The following ELP4 variants were observed in gnomAD, a reference collection of about 807,000 sequenced individuals.
The protein encoded by ELP4 is elongator complex protein 4.
In ELP4, 51 loss-of-function variants were observed where a neutral mutation model predicts 48.9. The ratio of observed to expected loss-of-function variants is 1.04; its 90% CI spans 0.83 to 1.32. The LOEUF (loss-of-function observed/expected upper bound fraction) is 1.32. Ranked by LOEUF, ELP4 falls within the 40% of genes most tolerant of loss-of-function variation. The pLI, the probability that ELP4 is intolerant of heterozygous loss-of-function variation, is 0.00. For synonymous variants in ELP4, 210 were observed against 189.2 expected (o/e 1.11, Z -0.90); for missense variants, 519 against 514.6 (o/e 1.01, Z -0.08).
chr11:31,590,252 ATATG>A (rs1454596823), intron 3 of ELP4, among the ~76,000 whole-genome samples: 2 of 152,158 alleles, frequency 1.3e-5, no homozygotes, highest in Non-Finnish European at 2.9e-5. Context: ...CTATATATAT[ATATG>A]TACTCTTGTT....
At chr11:31,710,924 G>C (rs1946729101) in intron 9 of ELP4, among the ~76,000 whole-genome samples, 1 of 152,184 alleles carries the variant, frequency 6.6e-6, no homozygotes, top group Admixed American at 6.5e-5. Flanking sequence ...GTAAGAAATA[G>C]ATGGGGAGGT....
intron 3 of ELP4, among the ~76,000 whole-genome samples, chr11:31,577,740 A>T (rs1208734047): frequency 6.6e-6 from 1 of 152,232 alleles, no homozygotes; most frequent in African/African-American, 2.4e-5. Context: ...GAAAAAATTC[A>T]ACAGCTGTTC....
chr11:31,728,034 GC>G (rs1342373351), intron 9 of ELP4: 1 of 152,014 alleles, frequency 6.6e-6, no homozygotes, highest in Non-Finnish European at 1.5e-5. Context: ...ATGAAATACT[GC>G]CATTATATTA....
In ELP4 at chr11:31,629,314, C is replaced by G. The variant is rs1435748695; in HGVS notation, c.738+2120C>G. ...CAAGGTTCTTTTTTTTAATCTTATG[C>G]CACACAGTATGCCCCATTATTATAT... On this transcript the variant is annotated intron_variant, in intron 6 of 9. Transcript: ENST00000640961. Among the ~76,000 whole-genome samples, 8 of 151,708 alleles carry G rather than the reference C, an allele frequency of 5.3e-5. No individual in the cohort carries two copies. The South Asian group carries it at 1.7e-3, about 32-fold the overall frequency.
At chr11:31,544,665 C>A (rs1956664869) in intron 3 of ELP4, among the ~76,000 whole-genome samples, 1 of 152,200 alleles carries the variant, frequency 6.6e-6, no homozygotes, top group Non-Finnish European at 1.5e-5. Context: ...TCCCAGCGCG[C>A]AGCTGGAGAT....
At chr11:31,572,007 T>G (rs1341401261) in intron 3 of ELP4, among the ~76,000 whole-genome samples, 3 of 152,220 alleles carry the variant, frequency 2.0e-5, no homozygotes, top group Non-Finnish European at 4.4e-5. Context: ...ATCAACTGCA[T>G]TAGCCCCTAA....
intron 3 of ELP4, among the ~76,000 whole-genome samples, chr11:31,549,495 T>C (rs1244398468): frequency 6.6e-6 from 1 of 151,720 alleles, no homozygotes; most frequent in Non-Finnish European, 1.5e-5. Flanking sequence ...CAACAGGTGC[T>C]GGAGAGGATG....
chr11:31,779,532 G>A (rs930690401), intron 9 of ELP4, among the ~76,000 whole-genome samples: 2 of 152,192 alleles, frequency 1.3e-5, no homozygotes, highest in Admixed American at 1.3e-4. Flanking sequence ...GGCAAGTAGA[G>A]GGGAAAGAAT....
chr11:31,676,304 T>G (rs1945924819), intron 9 of ELP4, among the ~76,000 whole-genome samples: 1 of 152,206 alleles, frequency 6.6e-6, no homozygotes, highest in Non-Finnish European at 1.5e-5. Context: ...GTTTCCTGAC[T>G]CTTCTTTTCC....
At chr11:31,703,360 C>T (rs1170720446) in intron 9 of ELP4, among the ~76,000 whole-genome samples, 1 of 152,080 alleles carries the variant, frequency 6.6e-6, no homozygotes, top group Non-Finnish European at 1.5e-5. Flanking sequence ...TTTAGATCAC[C>T]TCTTTATTTA....
At chr11:31,550,323 T>TG (rs1956826240) in intron 3 of ELP4, among the ~76,000 whole-genome samples, 1 of 152,136 alleles carries the variant, frequency 6.6e-6, no homozygotes, top group South Asian at 2.1e-4. Flanking sequence ...ATTTGGCGCA[T>TG]GATGGATATA....
intron 5 of ELP4, among the ~76,000 whole-genome samples, chr11:31,612,263 A>G (rs1957995443): frequency 6.6e-6 from 1 of 152,226 alleles, no homozygotes; most frequent in Admixed American, 6.5e-5. Flanking sequence ...GTTTCTGAAG[A>G]TATGTACTGA....
chr11:31,582,457 G>C (rs1033661177), intron 3 of ELP4, among the ~76,000 whole-genome samples: 3 of 151,880 alleles, frequency 2.0e-5, no homozygotes, highest in African/African-American at 2.4e-5. Context: ...TTTTTTTCCA[G>C]ATGTTTTCTT....
chr11:31,696,853 G>GAC (rs932173275), intron 9 of ELP4, among the ~76,000 whole-genome samples: 4 of 152,016 alleles, frequency 2.6e-5, no homozygotes, highest in African/African-American at 9.7e-5. Context: ...CCAATTAAAA[G>GAC]ACTCAGACTG....
intron 4 of ELP4, among the ~76,000 whole-genome samples, chr11:31,597,686 C>A (rs1475669051): frequency 2.0e-5 from 3 of 151,942 alleles, no homozygotes; most frequent in Non-Finnish European, 4.4e-5. Flanking sequence ...ATTCTCCTGC[C>A]TCAGCCTCCC....
At chr11:31,550,437 C>T (rs1306504931) in intron 3 of ELP4, among the ~76,000 whole-genome samples, 2 of 152,052 alleles carry the variant, frequency 1.3e-5, no homozygotes, top group Non-Finnish European at 2.9e-5. Flanking sequence ...AACATTATTT[C>T]AAAACATAAG....
chr11:31,640,288 T>C (rs571173641), intron 7 of ELP4, among the ~76,000 whole-genome samples: 2 of 152,118 alleles, frequency 1.3e-5, no homozygotes, highest in Admixed American at 6.6e-5. Context: ...TTCTTTGGCA[T>C]TGTAAGATAT....
intron 8 of ELP4, 84 bp downstream of exon 8, chr11:31,647,933 A>G: frequency 1.3e-6 from 1 of 763,824 alleles, no homozygotes; most frequent in Non-Finnish European, 2.3e-6. Context: ...CCAAATATCT[A>G]CTGTCAAGGA....
At chr11:31,739,941 A>G (rs774077532) in intron 9 of ELP4, among the ~76,000 whole-genome samples, 22 of 152,228 alleles carry the variant, frequency 1.4e-4, no homozygotes, top group Non-Finnish European at 3.2e-4. Context: ...CATCACTCCA[A>G]TTCTGAAGAT....
Sources: gnomAD v4.1 joint callset for allele counts (sites outside exome capture counted in the v4.1 genomes callset) on GRCh38, gnomAD v4.1.1 for gene constraint, MANE v1.5 for transcripts, NCBI Gene and HGNC (gene_info 2026-07-23, HGNC 2026-07-21) for gene names.